The following PCGF3 variants were observed in gnomAD, a reference collection of about 807,000 sequenced individuals.
The protein encoded by PCGF3 is polycomb group ring finger 3.
In PCGF3, 7 loss-of-function variants were observed where a neutral mutation model predicts 33.1. The ratio of observed to expected loss-of-function variants is 0.21; its 90% CI spans 0.12 to 0.40. The LOEUF is 0.40. Ranked by LOEUF, PCGF3 falls within the 10% of genes least tolerant of loss-of-function variation. The pLI, the probability that PCGF3 is intolerant of heterozygous loss-of-function variation, is 1.00. For missense variants in PCGF3, 211 were observed against 313.3 expected (o/e 0.67, Z 2.46); for synonymous variants, 153 against 121.3 (o/e 1.26, Z -1.72).
In PCGF3 at chr4:729,987, G is replaced by A. The variant is rs370929915; in HGVS notation, c.-189-643G>A. Among the ~76,000 whole-genome samples, 19 of 152,204 alleles carry A rather than the reference G, an allele frequency of 1.2e-4. No individual in the cohort carries two copies. The South Asian group carries it at 2.5e-3, about 20-fold the overall frequency. On this transcript the variant is annotated intron_variant, in intron 1 of 10. Transcript: ENST00000362003. ...GCCACCCTGATGCCCCATCCCAGAC[G>A]CAGGGTCCCTACGTGGTCCCCTGGT...
intron 6 of PCGF3, among the ~76,000 whole-genome samples, chr4:741,245 C>G (rs1168508219): frequency 6.6e-6 from 1 of 152,216 alleles, no homozygotes; most frequent in Non-Finnish European, 1.5e-5. Flanking sequence ...CTCATCACAG[C>G]AGAATTTCTT....
At chr4:757,942 G>A (rs1225506582) in intron 8 of PCGF3, among the ~76,000 whole-genome samples, 1 of 152,060 alleles carries the variant, frequency 6.6e-6, no homozygotes, top group Non-Finnish European at 1.5e-5. Context: ...GCCGAGGTGG[G>A]CAGATCACGA....
intron 6 of PCGF3, among the ~76,000 whole-genome samples, chr4:742,943 G>T (rs1000720106): frequency 6.6e-6 from 1 of 152,244 alleles, no homozygotes; most frequent in Non-Finnish European, 1.5e-5. Flanking sequence ...GCTCTCTTGG[G>T]GTTCCTCAGT....
intron 6 of PCGF3, 88 bp from the exon 7 acceptor site, chr4:743,386 C>G: frequency 1.3e-6 from 1 of 756,918 alleles, no homozygotes; most frequent in Admixed American, 2.2e-5. Context: ...ATGCAAATCC[C>G]TAATTTTCTT....
At chr4:723,264 G>A (rs557795765) in intron 1 of PCGF3, among the ~76,000 whole-genome samples, 3 of 152,372 alleles carry the variant, frequency 2.0e-5, no homozygotes, top group African/African-American at 4.8e-5. Flanking sequence ...TGCAGTTGCC[G>A]GGAGCCATGG....
At chr4:728,328 G>A (rs1043731185) in intron 1 of PCGF3, among the ~76,000 whole-genome samples, 2 of 151,930 alleles carry the variant, frequency 1.3e-5, no homozygotes, top group Non-Finnish European at 2.9e-5. Context: ...GTTAAGTGTC[G>A]TAAGTAATCT....
intron 1 of PCGF3, among the ~76,000 whole-genome samples, chr4:716,263 G>A (rs372935176): frequency 8.1e-6 from 1 of 123,630 alleles, no homozygotes; most frequent in African/African-American, 3.0e-5. Flanking sequence ...ACTGGGCGTC[G>A]GTGCTGGGAC....
At chr4:763,268 T>C (rs111662312) in intron 9 of PCGF3, among the ~76,000 whole-genome samples, 48 of 152,232 alleles carry the variant, frequency 3.2e-4, no homozygotes, top group African/African-American at 1.1e-3. Flanking sequence ...AGGAAGTCCT[T>C]GGATTTTCAT....
chr4:736,843 T>C (rs58086154), intron 5 of PCGF3, among the ~76,000 whole-genome samples: 91 of 100,776 alleles, frequency 9.0e-4, no homozygotes, highest in South Asian at 2.8e-3. Flanking sequence ...CTGGGGTGTC[T>C]GCAGGGGCGG....
At chr4:734,251 C>T (rs771237001) in intron 4 of PCGF3, 3 of 1,482,826 alleles carry the variant, frequency 2.0e-6, no homozygotes, top group East Asian at 2.5e-5. Flanking sequence ...AGTGTGGCTA[C>T]CGCTGACGGG....
intron 10 of PCGF3, 27 bp downstream of exon 10, chr4:765,091 G>GCAGACTCTGAAAA: frequency 6.6e-7 from 1 of 1,522,168 alleles, no homozygotes; most frequent in Non-Finnish European, 9.1e-7. Context: ...GATTTTCAGA[G>GCAGACTCTGAAAA]TCTGCTCTGA....
chr4:758,851 T>C (rs1215209883), intron 8 of PCGF3, among the ~76,000 whole-genome samples: 1 of 11,270 alleles, frequency 8.9e-5, no homozygotes, highest in African/African-American at 3.2e-4. Flanking sequence ...GCGGCCCCTC[T>C]CCCGAGTTCT....
At chr4:758,607 G>T (rs1416088563) in intron 8 of PCGF3, among the ~76,000 whole-genome samples, 2 of 118,770 alleles carry the variant, frequency 1.7e-5, no homozygotes, top group Non-Finnish European at 3.4e-5. Context: ...TCTCCATCCC[G>T]ACTCCAGTTC....
At chr4:765,551 C>T (rs1164920173) in intron 10 of PCGF3, among the ~76,000 whole-genome samples, 2 of 152,222 alleles carry the variant, frequency 1.3e-5, no homozygotes, top group African/African-American at 4.8e-5. Context: ...CTGCGAAGGG[C>T]ACAGGCCCTG....
chr4:733,711 A>G, exon 4 of PCGF3: 1 of 1,610,282 alleles, frequency 6.2e-7, no homozygotes, highest in Non-Finnish European at 8.5e-7. Context: ...GCTGTGGGAC[A>G]TCAACGCCCA....
chr4:753,482 A>G (rs908683387), intron 8 of PCGF3, among the ~76,000 whole-genome samples: 5 of 151,904 alleles, frequency 3.3e-5, no homozygotes, highest in Admixed American at 1.3e-4. Context: ...GTGAAACCCC[A>G]TCTCTACTAA....
chr4:730,546 C>A (rs1276763950), intron 1 of PCGF3, 84 bp from the exon 2 acceptor site: 1 of 153,730 alleles, frequency 6.5e-6, no homozygotes, highest in Non-Finnish European at 1.5e-5. Context: ...AGCAGTGTAA[C>A]CGAGCCAGGC....
At chr4:766,201 A>T in exon 11 of PCGF3, 1 of 736,550 alleles carries the variant, frequency 1.4e-6, no homozygotes, top group South Asian at 1.7e-5. Flanking sequence ...GAATATTTAT[A>T]ACTTTTGTAT....
rs755913550 is a variant in PCGF3 at position 761,260 on chromosome 4, C to T, written c.463-19C>T. On this transcript the variant is annotated intron_variant, in intron 8 of 10. Coordinates refer to ENST00000362003, the Ensembl canonical transcript of PCGF3. ...GGGGAACCCTCCTGCTGCGCTCTCACCAGCGTCCTTTCCCGCAGGTGAGCA... is the reference window on the plus strand; with the variant it reads ...GGGGAACCCTCCTGCTGCGCTCTCATCAGCGTCCTTTCCCGCAGGTGAGCA... 1.9e-6 allele frequency: 3 copies of T among 1,567,904 alleles called. No homozygotes were observed. The highest frequency in any genetic ancestry group is 1.4e-5 in the African/African-American group (1 of 73,406).
Sources: gnomAD v4.1 joint callset for allele counts (sites outside exome capture counted in the v4.1 genomes callset) on GRCh38, gnomAD v4.1.1 for gene constraint, MANE v1.5 for transcripts, NCBI Gene and HGNC (gene_info 2026-07-23, HGNC 2026-07-21) for gene names.